PIEZO2: variants seen among roughly 807,000 people sequenced by gnomAD.
PIEZO2 encodes the protein piezo type mechanosensitive ion channel component 2, also known as piezo-type mechanosensitive ion channel component 2.
A neutral mutation model predicts 337.3 loss-of-function variants in PIEZO2; 172 were observed. The ratio of observed to expected loss-of-function variants is 0.51; its 90% CI spans 0.45 to 0.58. PIEZO2 has a LOEUF of 0.58. Ranked by LOEUF, PIEZO2 falls within the 20% of genes least tolerant of loss-of-function variation. PIEZO2 has a pLI of 0.00. For missense variants in PIEZO2, 3,028 were observed against 3,391.3 expected, an observed-to-expected ratio of 0.89 and a Z score of 2.66; for synonymous variants, 1,251 against 1,228.5, an observed-to-expected ratio of 1.02 and a Z score of -0.38.
intron 18 of PIEZO2, among the ~76,000 whole-genome samples, chr18:10,779,028 GTC>G (rs1364614744): frequency 1.3e-5 from 2 of 152,204 alleles, no homozygotes; most frequent in Non-Finnish European, 2.9e-5. Flanking sequence ...TCTAGCTAGA[GTC>G]TGTTTCTTAC....
chr18:11,050,056 T>A (rs941546009), intron 2 of PIEZO2, among the ~76,000 whole-genome samples: 2 of 152,180 alleles, frequency 1.3e-5, no homozygotes, highest in Non-Finnish European at 2.9e-5. Flanking sequence ...GACTGAGTAG[T>A]GTATGCCCAA....
intron 27 of PIEZO2, among the ~76,000 whole-genome samples, chr18:10,754,479 A>G (rs2037761510): frequency 6.6e-6 from 1 of 152,250 alleles, no homozygotes; most frequent in Admixed American, 6.5e-5. Context: ...CCTCATTGAG[A>G]AACAGAACAA....
chr18:10,796,632 AC>A (rs1235393319), intron 12 of PIEZO2, among the ~76,000 whole-genome samples: 3 of 152,252 alleles, frequency 2.0e-5, no homozygotes, highest in Non-Finnish European at 4.4e-5. Context: ...ACACAATTTT[AC>A]AATCTGTAGT....
intron 4 of PIEZO2, among the ~76,000 whole-genome samples, chr18:10,879,552 C>G (rs1294838297): frequency 6.6e-6 from 1 of 152,002 alleles, no homozygotes; most frequent in Non-Finnish European, 1.5e-5. Context: ...CCCGCCACCA[C>G]GCCTGGCTAA....
intron 2 of PIEZO2, among the ~76,000 whole-genome samples, chr18:10,995,061 GA>G (rs1230664686): frequency 1.1e-5 from 1 of 94,686 alleles, no homozygotes; most frequent in African/African-American, 4.6e-5. Context: ...CTGGGCAACA[GA>G]GTGAGACTCC....
At chr18:10,912,597 C>CGTGCTTAGGTTTATT (rs2030580012) in intron 3 of PIEZO2, among the ~76,000 whole-genome samples, 1 of 152,190 alleles carries the variant, frequency 6.6e-6, no homozygotes. Context: ...TCAAATTAAA[C>CGTGCTTAGGTTTATT]TCGTACGGTG....
In PIEZO2 at chr18:11,087,911, C is replaced by T. The variant is rs148681433; in HGVS notation, c.65-21689G>A. ...CAGGCACAACAGCCTGCTTGCAGTCCCTGCTGCTTTTGCTTCATTTCTGTT... is the reference window on the plus strand; with the variant it reads ...CAGGCACAACAGCCTGCTTGCAGTCTCTGCTGCTTTTGCTTCATTTCTGTT... On this transcript the variant is annotated intron_variant, in intron 1 of 55. Transcript: ENST00000674853. 8.7e-4 allele frequency among the ~76,000 whole-genome samples: 132 copies of T among 152,368 alleles called. 2 individuals are homozygous for T. The East Asian group carries it at 0.015, about 17-fold the overall frequency.
intron 7 of PIEZO2, among the ~76,000 whole-genome samples, chr18:10,849,500 A>G (rs2041471986): frequency 6.6e-6 from 1 of 152,196 alleles, no homozygotes; most frequent in Non-Finnish European, 1.5e-5. Context: ...ACAGGAATTG[A>G]GTCCTCCCGC....
chr18:11,081,203 T>C (rs1455292527), intron 1 of PIEZO2, among the ~76,000 whole-genome samples: 1 of 152,192 alleles, frequency 6.6e-6, no homozygotes, highest in East Asian at 1.9e-4. Context: ...ATGTTTTTCT[T>C]ACAAATACAT....
intron 3 of PIEZO2, among the ~76,000 whole-genome samples, chr18:10,936,004 C>T (rs2032371179): frequency 6.6e-6 from 1 of 152,202 alleles, no homozygotes; most frequent in Non-Finnish European, 1.5e-5. Context: ...TCAAAACTCT[C>T]TTTTCTACAC....
intron 7 of PIEZO2, among the ~76,000 whole-genome samples, chr18:10,816,573 A>G (rs2040369636): frequency 6.6e-6 from 1 of 152,230 alleles, no homozygotes; most frequent in African/African-American, 2.4e-5. Context: ...AAAATTAATT[A>G]TGCTTACAAA....
intron 27 of PIEZO2, among the ~76,000 whole-genome samples, chr18:10,757,436 A>T (rs2037919085): frequency 7.5e-6 from 1 of 133,830 alleles, no homozygotes; most frequent in Non-Finnish European, 1.6e-5. Context: ...CTGGAGGGTG[A>T]GGAGGAAGGG....
chr18:10,804,137 C>T, intron 8 of PIEZO2, 143 bp from the exon 9 acceptor site: 1 of 1,065,108 alleles, frequency 9.4e-7, no homozygotes, highest in Non-Finnish European at 1.3e-6. Flanking sequence ...TTTATCAAGA[C>T]ACTTTAAAAA....
intron 13 of PIEZO2, among the ~76,000 whole-genome samples, chr18:10,793,492 G>C (rs2039479817): frequency 6.6e-6 from 1 of 152,278 alleles, no homozygotes; most frequent in African/African-American, 2.4e-5. Context: ...TTCGACAGGA[G>C]ACAATTCAAC....
chr18:10,952,155 A>G lies in PIEZO2; in HGVS notation c.286+27380T>C, dbSNP rs1368985035. Among the ~76,000 whole-genome samples the G allele has an allele frequency of 6.6e-6, 1 of 152,150 alleles. No homozygotes were observed. The highest frequency in any genetic ancestry group is 1.5e-5 in the Non-Finnish European group (1 of 68,032). ...TACTCTTCAGTAGAGCCCCCAAAAC[A>G]AACAGTGAAACAGTGAGAGGAAAAT... is the stretch of plus-strand genomic sequence containing the variant. On this transcript the variant is annotated intron_variant, in intron 3 of 55. Coordinates refer to ENST00000674853, the MANE Select transcript of PIEZO2 (RefSeq NM_001378183.1). The surrounding 1 kb of genome is among the most constrained non-coding windows in gnomAD (Gnocchi z 4.1).
intron 4 of PIEZO2, among the ~76,000 whole-genome samples, chr18:10,882,213 A>T (rs115000710): frequency 0.034 from 5,229 of 152,240 alleles, 315 homozygotes; most frequent in African/African-American, 0.12. Flanking sequence ...TGGCAGGACT[A>T]TCGCCAGGAG....
At chr18:10,876,194 TAAAAC>T (rs926346979) in intron 4 of PIEZO2, among the ~76,000 whole-genome samples, 1 of 152,154 alleles carries the variant, frequency 6.6e-6, no homozygotes, top group Non-Finnish European at 1.5e-5. Flanking sequence ...TGCATTCCAT[TAAAAC>T]AAAACAAAAC....
At chr18:10,948,498 G>A (rs1010474480) in intron 3 of PIEZO2, among the ~76,000 whole-genome samples, 1 of 152,154 alleles carries the variant, frequency 6.6e-6, no homozygotes, top group African/African-American at 2.4e-5. Flanking sequence ...CATTGATGAT[G>A]TTTTAAGATT....
chr18:10,934,366 T>A lies in PIEZO2; in HGVS notation c.287-23138A>T, dbSNP rs73943076. Among the ~76,000 whole-genome samples, 509 of 152,308 alleles carry A rather than the reference T, an allele frequency of 3.3e-3. 2 individuals are homozygous for A. The highest frequency in any genetic ancestry group is 0.011 in the African/African-American group (470 of 41,584). Reference sequence around the variant, plus strand: ...ATCACCAGGCGCAGAAGCAGGTCCATGACTGTGTTCAGGCCCTGCAGCTTC... The same window carrying A: ...ATCACCAGGCGCAGAAGCAGGTCCAAGACTGTGTTCAGGCCCTGCAGCTTC... On this transcript the variant is annotated intron_variant, in intron 3 of 55. Transcript: ENST00000674853.
Sources: gnomAD v4.1 joint callset for allele counts (sites outside exome capture counted in the v4.1 genomes callset) on GRCh38, gnomAD v4.1.1 for gene constraint, Gnocchi (gnomAD v3.1) non-coding constraint, MANE v1.5 for transcripts, NCBI Gene and HGNC (gene_info 2026-07-23, HGNC 2026-07-21) for gene names.